ADAMTS17: variants seen among roughly 807,000 people sequenced by gnomAD.
The protein encoded by ADAMTS17 is ADAM metallopeptidase with thrombospondin type 1 motif 17.
Under a neutral mutation model 141.5 loss-of-function variants are expected in ADAMTS17, and 113 were observed. The ratio of observed to expected loss-of-function variants is 0.80; its 90% CI spans 0.69 to 0.93. The LOEUF (loss-of-function observed/expected upper bound fraction) is 0.93. Ranked by LOEUF, ADAMTS17 falls within the 40% of genes least tolerant of loss-of-function variation. The pLI is 0.00. For missense variants in ADAMTS17, 1,659 were observed against 1,517.9 expected, an observed-to-expected ratio of 1.09 and a Z score of -1.54; for synonymous variants, 768 against 630.6, an observed-to-expected ratio of 1.22 and a Z score of -3.27.
At chr15:99,977,795 G>A (rs1269344680) in intron 20 of ADAMTS17, among the ~76,000 whole-genome samples, 2 of 152,050 alleles carry the variant, frequency 1.3e-5, no homozygotes, top group Non-Finnish European at 1.5e-5. Flanking sequence ...CTGCTCTTGA[G>A]CTTTTCGGCC....
chr15:100,281,155 C>T, intron 4 of ADAMTS17, 74 bp downstream of exon 4: 2 of 1,589,622 alleles, frequency 1.3e-6, no homozygotes, highest in East Asian at 2.2e-5. Context: ...GATGAGGACA[C>T]AGCACCTGCT....
intron 12 of ADAMTS17, among the ~76,000 whole-genome samples, chr15:100,130,937 T>C (rs2038004907): frequency 6.6e-6 from 1 of 152,126 alleles, no homozygotes. Context: ...TGTGGCACTA[T>C]TCACAATAGC....
intron 8 of ADAMTS17, among the ~76,000 whole-genome samples, chr15:100,196,036 G>A (rs2041103467): frequency 6.6e-6 from 1 of 152,134 alleles, no homozygotes; most frequent in Non-Finnish European, 1.5e-5. Flanking sequence ...ACAGTACCCT[G>A]CACATAGTAG....
At chr15:100,025,104 T>G (rs2061481870) in intron 18 of ADAMTS17, among the ~76,000 whole-genome samples, 1 of 152,238 alleles carries the variant, frequency 6.6e-6, no homozygotes, top group Non-Finnish European at 1.5e-5. Context: ...CTGTATCTCC[T>G]GTAGTTTATA....
At chr15:100,330,717 G>A (rs1280030315) in intron 3 of ADAMTS17, among the ~76,000 whole-genome samples, 172 bp downstream of exon 3, 1 of 152,134 alleles carries the variant, frequency 6.6e-6, no homozygotes, top group Non-Finnish European at 1.5e-5. Flanking sequence ...AAGGACTGCC[G>A]ACACTAAGAC....
At chr15:100,223,680 C>T (rs528056769) in intron 7 of ADAMTS17, among the ~76,000 whole-genome samples, 1 of 149,406 alleles carries the variant, frequency 6.7e-6, no homozygotes, top group African/African-American at 2.5e-5. Context: ...GACACACACA[C>T]ATATATGTGT....
chr15:100,190,115 T>C (rs1006509092), intron 8 of ADAMTS17, among the ~76,000 whole-genome samples: 5 of 152,226 alleles, frequency 3.3e-5, no homozygotes, highest in African/African-American at 9.6e-5. Context: ...GAGGATGCCC[T>C]ACTCATGCTT....
intron 7 of ADAMTS17, among the ~76,000 whole-genome samples, chr15:100,212,135 A>G (rs2041828895): frequency 6.6e-6 from 1 of 152,192 alleles, no homozygotes; most frequent in Admixed American, 6.5e-5. Flanking sequence ...GGATACTATT[A>G]TCATCCTCAT....
At chr15:100,100,003 C>T (rs145882089) in intron 14 of ADAMTS17, among the ~76,000 whole-genome samples, 3,147 of 152,302 alleles carry the variant, frequency 0.021, 37 homozygotes, top group Middle Eastern at 0.041. Context: ...ACCTAGTGGA[C>T]GTGTCTCCAG....
intron 8 of ADAMTS17, among the ~76,000 whole-genome samples, chr15:100,171,620 G>GCCAGCAGACAGCATCCCT (rs1299231711): frequency 6.6e-6 from 1 of 152,096 alleles, no homozygotes; most frequent in Non-Finnish European, 1.5e-5. Flanking sequence ...CCCAGTCCTC[G>GCCAGCAGACAGCATCCCT]CCAGCAGACA....
At chr15:100,323,233 T>G (rs1226048536) in intron 3 of ADAMTS17, among the ~76,000 whole-genome samples, 1 of 152,236 alleles carries the variant, frequency 6.6e-6, no homozygotes. Context: ...ATCATCTTAA[T>G]TTTATAAAAT....
chr15:100,283,046 A>G (rs935934783), intron 3 of ADAMTS17, among the ~76,000 whole-genome samples: 52 of 144,384 alleles, frequency 3.6e-4, no homozygotes, highest in African/African-American at 1.3e-3. Context: ...TGCAGGTATT[A>G]CTGTATTTTA....
intron 12 of ADAMTS17, chr15:100,126,562 T>C (rs1303347314): frequency 3.9e-5 from 6 of 152,224 alleles, no homozygotes; most frequent in African/African-American, 1.4e-4. Context: ...TGGCCGTTTA[T>C]AGCATCTGGG....
At chr15:100,061,911 G>T (rs916000815) in intron 15 of ADAMTS17, among the ~76,000 whole-genome samples, 1 of 152,246 alleles carries the variant, frequency 6.6e-6, no homozygotes, top group African/African-American at 2.4e-5. Flanking sequence ...TTGGGAAGGG[G>T]AAGGGTAACT....
At chr15:100,086,374 T>C (rs1015539542) in intron 15 of ADAMTS17, among the ~76,000 whole-genome samples, 2 of 150,818 alleles carry the variant, frequency 1.3e-5, no homozygotes, top group African/African-American at 2.5e-5. Context: ...GAAAGAGACT[T>C]AGACTCCCAC....
intron 7 of ADAMTS17, among the ~76,000 whole-genome samples, chr15:100,224,489 T>G (rs76112559): frequency 6.6e-6 from 1 of 152,098 alleles, no homozygotes; most frequent in African/African-American, 2.4e-5. Flanking sequence ...TACTCAGTCA[T>G]CACAAGATTT....
chr15:100,230,679 A>G (rs1292257196), intron 7 of ADAMTS17, among the ~76,000 whole-genome samples: 1 of 152,250 alleles, frequency 6.6e-6, no homozygotes, highest in African/African-American at 2.4e-5. Context: ...TCACTCAGCA[A>G]AAGCTTAGGA....
intron 20 of ADAMTS17, among the ~76,000 whole-genome samples, chr15:99,977,545 C>T (rs1321960888): frequency 6.7e-6 from 1 of 149,766 alleles, no homozygotes; most frequent in African/African-American, 2.5e-5. Flanking sequence ...TTCTGAGTAG[C>T]TGGGATTATA....
At chr15:100,138,763 A>C (rs2038466778) in intron 10 of ADAMTS17, among the ~76,000 whole-genome samples, 1 of 152,234 alleles carries the variant, frequency 6.6e-6, no homozygotes, top group Admixed American at 6.5e-5. Flanking sequence ...TGTAGAATAA[A>C]GACATTCTCC....
Sources: gnomAD v4.1 joint callset for allele counts (sites outside exome capture counted in the v4.1 genomes callset) on GRCh38, gnomAD v4.1.1 for gene constraint, MANE v1.5 for transcripts, NCBI Gene and HGNC (gene_info 2026-07-23, HGNC 2026-07-21) for gene names.